UBR1: variants seen among roughly 807,000 people sequenced by gnomAD.
The protein encoded by UBR1 is ubiquitin protein ligase E3 component n-recognin 1.
In UBR1, 102 loss-of-function variants were observed where a neutral mutation model predicts 242.1. The ratio of observed to expected loss-of-function variants is 0.42; its 90% CI spans 0.36 to 0.50. The LOEUF is 0.50. UBR1 is among the 20% of genes least tolerant of loss of function. The pLI, the probability that UBR1 is intolerant of heterozygous loss-of-function variation, is 0.01. For synonymous variants in UBR1, 675 were observed against 684.8 expected (o/e 0.99, Z 0.22); for missense variants, 1,772 against 2,101.8 (o/e 0.84, Z 3.07).
chr15:42,995,989 G>T (rs2032632330), intron 33 of UBR1, among the ~76,000 whole-genome samples: 1 of 152,086 alleles, frequency 6.6e-6, no homozygotes, highest in African/African-American at 2.4e-5. Flanking sequence ...ACTAAGGTAG[G>T]CCAGGCTTTT....
chr15:43,021,915 C>T (rs1340619668), intron 26 of UBR1, among the ~76,000 whole-genome samples: 2 of 152,144 alleles, frequency 1.3e-5, no homozygotes, highest in Admixed American at 6.5e-5. Flanking sequence ...ATATGATCTA[C>T]TAAATTTAAA....
At chr15:43,016,808 C>G (rs1209068394) in intron 28 of UBR1, among the ~76,000 whole-genome samples, 2 of 152,180 alleles carry the variant, frequency 1.3e-5, no homozygotes, top group African/African-American at 4.8e-5. Context: ...AACTCCCGAC[C>G]TCAAGTGATC....
intron 39 of UBR1, among the ~76,000 whole-genome samples, chr15:42,975,781 A>ACAGCACTCTG (rs1004684636): frequency 3.2e-4 from 48 of 152,016 alleles, no homozygotes; most frequent in African/African-American, 1.1e-3. Context: ...TGGTGCAATC[A>ACAGCACTCTG]CAGCACTCTG....
chr15:43,078,160 C>G (rs2033930200), intron 3 of UBR1, among the ~76,000 whole-genome samples: 1 of 152,136 alleles, frequency 6.6e-6, no homozygotes, highest in African/African-American at 2.4e-5. Flanking sequence ...AAGCCCAATG[C>G]TAAGGGATGA....
In UBR1 at chr15:42,960,771, A is replaced by G. The variant is rs114018630; in HGVS notation, c.4701-70T>C. The G allele has an allele frequency of 1.1e-3, 1,645 of 1,511,646 alleles. 20 individuals carry two copies. The African/African-American group carries it at 0.021, about 19-fold the overall frequency. 93.6% of individuals were successfully genotyped at this position (1,511,646 alleles called of 1,614,324 possible). A position where few individuals can be genotyped will look rare whatever the true frequency, so the allele number is the denominator to read the frequency against. ...TCAATGCATGATTTGTCAACAAGCC[A>G]TTCTCTTTTTTTTTTGAGATGGATT... On this transcript the variant is annotated intron_variant, in intron 42 of 46. Transcript: ENST00000290650.
intron 1 of UBR1, among the ~76,000 whole-genome samples, chr15:43,096,392 C>T (rs2034161785): frequency 6.6e-6 from 1 of 152,088 alleles, no homozygotes; most frequent in African/African-American, 2.4e-5. Flanking sequence ...AAACTCCTGA[C>T]CTTAGGCAAT....
At chr15:43,071,749 A>G (rs961193856) in intron 4 of UBR1, among the ~76,000 whole-genome samples, 8 of 152,222 alleles carry the variant, frequency 5.3e-5, no homozygotes, top group African/African-American at 1.7e-4. Context: ...TCATTACAAA[A>G]CATTAATAAA....
At chr15:43,087,068 C>T (rs1225244804) in intron 1 of UBR1, among the ~76,000 whole-genome samples, 12 of 152,152 alleles carry the variant, frequency 7.9e-5, no homozygotes, top group Admixed American at 7.9e-4. Flanking sequence ...CAAGGCACAT[C>T]ATTTAAAAAC....
At chr15:43,103,753 G>A (rs552042285) in intron 1 of UBR1, among the ~76,000 whole-genome samples, 1 of 152,302 alleles carries the variant, frequency 6.6e-6, no homozygotes, top group South Asian at 2.1e-4. Context: ...GAAATTGTAC[G>A]ATTGCTTAAA....
chr15:43,015,880 A>G lies in UBR1; in HGVS notation c.3028-11T>C. ...TTTATCATGAGTAATCTGGGTATTA[A>G]GAAATGACAAATTTAGGTAAGATCC... On this transcript the variant is annotated splice_polypyrimidine_tract_variant and intron_variant, in intron 28 of 46. Coordinates refer to ENST00000290650, the MANE Select transcript of UBR1 (RefSeq NM_174916.3). The G allele has an allele frequency of 6.2e-7, 1 of 1,613,176 alleles. No individual in the cohort carries two copies. Among genetic ancestry groups the G allele is most frequent in the East Asian group, 2.2e-5 (1 of 44,862 alleles).
At chr15:43,044,769 C>A (rs1285600888) in intron 14 of UBR1, among the ~76,000 whole-genome samples, 1 of 152,126 alleles carries the variant, frequency 6.6e-6, no homozygotes, top group Non-Finnish European at 1.5e-5. Flanking sequence ...GTGGTGCACA[C>A]CTGTAGTCCC....
intron 35 of UBR1, among the ~76,000 whole-genome samples, chr15:42,987,560 A>C (rs2032488315): frequency 6.6e-6 from 1 of 151,978 alleles, no homozygotes. Flanking sequence ...CTAAAAATAC[A>C]AAAATTGGCT....
At chr15:43,103,563 T>C (rs2034263653) in intron 1 of UBR1, among the ~76,000 whole-genome samples, 1 of 152,220 alleles carries the variant, frequency 6.6e-6, no homozygotes, top group African/African-American at 2.4e-5. Flanking sequence ...TCTTAAGCAA[T>C]GGCTTTTATC....
At chr15:43,077,014 T>TC (rs1201594719) in intron 3 of UBR1, among the ~76,000 whole-genome samples, 1 of 60,764 alleles carries the variant, frequency 1.6e-5, no homozygotes, top group African/African-American at 5.6e-5. Flanking sequence ...AGCCGCCCCG[T>TC]CGGGGAGGGT....
At chr15:43,048,670 A>G (rs931658439) in intron 12 of UBR1, among the ~76,000 whole-genome samples, 179 bp from the exon 13 acceptor site, 2 of 152,230 alleles carry the variant, frequency 1.3e-5, no homozygotes, top group African/African-American at 4.8e-5. Context: ...TACAACCAGT[A>G]AAACATGAAT....
In UBR1 at chr15:43,037,813, G is replaced by T; in HGVS notation, c.1982C>A (p.Ala661Asp). 1 of 1,614,092 alleles carries T rather than the reference G, an allele frequency of 6.2e-7. No homozygotes were observed. The highest frequency in any genetic ancestry group is 8.5e-7 in the Non-Finnish European group (1 of 1,180,014). The change falls in exon 17 of 47, where the codon GCT becomes GAT. Residue 661 changes from alanine to aspartate, a missense_variant. Physicochemically the swap from Ala to Asp is moderately radical, Grantham distance 126. Around this residue, in one of 3 missense-constraint regions of UBR1, gnomAD observed 734 missense variants for 893.3 expected, o/e 0.82. Coordinates refer to ENST00000290650, the MANE Select transcript of UBR1 (RefSeq NM_174916.3). Reference protein sequence around the residue: ...RCLVLVAQVVAEMWRRNGLSL... With the variant: ...RCLVLVAQVVDEMWRRNGLSL... ...CAGTCCATTTCTTCGCCACATCTCA[G>T]CAACAACCTGGGCAACCAACACCAG...
At chr15:42,975,138 C>T (rs952661415) in intron 39 of UBR1, among the ~76,000 whole-genome samples, 1 of 152,090 alleles carries the variant, frequency 6.6e-6, no homozygotes, top group Non-Finnish European at 1.5e-5. Flanking sequence ...TCAGGTGATC[C>T]ACCTGCCTCA....
chr15:43,102,862 T>G (rs1162580157), intron 1 of UBR1, among the ~76,000 whole-genome samples: 1 of 152,186 alleles, frequency 6.6e-6, no homozygotes, highest in African/African-American at 2.4e-5. Context: ...TATGCACACA[T>G]TTTCCTCCTC....
intron 40 of UBR1, among the ~76,000 whole-genome samples, chr15:42,967,413 CTTTT>C (rs745399720): frequency 0.025 from 3,345 of 136,068 alleles, 123 homozygotes; most frequent in African/African-American, 0.083. Context: ...CTAAAGCTTC[CTTTT>C]TTTTTTTTTT....
Sources: gnomAD v4.1 joint callset for allele counts (sites outside exome capture counted in the v4.1 genomes callset) on GRCh38, gnomAD v4.1.1 for gene constraint, gnomAD v4.1.1 regional missense constraint, MANE v1.5 for transcripts, NCBI Gene and HGNC (gene_info 2026-07-23, HGNC 2026-07-21) for gene names.